The following SYDE2 variants were observed in gnomAD, a reference collection of about 807,000 sequenced individuals.
SYDE2 encodes the protein synapse defective Rho GTPase homolog 2.
Under a neutral mutation model 91.5 loss-of-function variants are expected in SYDE2, and 76 were observed. That is an observed-to-expected ratio of 0.83 (90% CI 0.69 to 1.01). The LOEUF is 1.01. Among genes scored for constraint, SYDE2 ranks in the 50% least tolerant of loss-of-function variants. The probability of loss-of-function intolerance (pLI) is 0.00; values close to 1 mark genes in which losing one functional copy is unlikely to be tolerated. For synonymous variants in SYDE2, 513 were observed against 506.4 expected (o/e 1.01, Z -0.18); for missense variants, 1,364 against 1,367.7 (o/e 1.00, Z 0.04).
chr1:85,159,429 A>G (rs1482598312), intron 6 of SYDE2, among the ~76,000 whole-genome samples, 180 bp from the exon 7 acceptor site: 3 of 152,232 alleles, frequency 2.0e-5, no homozygotes, highest in African/African-American at 7.2e-5. Flanking sequence ...AATCTAGATT[A>G]AGGATAGAAG....
intron 6 of SYDE2, among the ~76,000 whole-genome samples, chr1:85,163,445 C>CTA (rs55977750): frequency 0.2 from 17,506 of 87,026 alleles, 2,045 homozygotes; most frequent in Middle Eastern, 0.27. Context: ...GTACTTTAAT[C>CTA]TATATATATA....
rs1377469678 is a variant in SYDE2, at chr1:85,190,411, C to G, written c.1087G>C (p.Asp363His). The change falls in exon 2 of 7, where the codon GAT becomes CAT. Residue 363 changes from aspartate (D) to histidine (H), a missense_variant. Asp to His is a moderately conservative substitution (Grantham distance 81). Transcript: ENST00000341460. ...CATATTTCTCCTTCATCATCTGCATCATTTTCCTCATTAAAATCTAAAGCA... is the reference window on the plus strand; with the variant it reads ...CATATTTCTCCTTCATCATCTGCATGATTTTCCTCATTAAAATCTAAAGCA... The part of the protein sequence containing the change: ...NCALDFNEEN[D>H]ADDEGEIWYN... The G allele has an allele frequency of 5.6e-6, 9 of 1,613,792 alleles. No individual in the cohort carries two copies. Among genetic ancestry groups the G allele is most frequent in the Non-Finnish European group, 7.6e-6 (9 of 1,179,776 alleles).
chr1:85,179,548 G>C (rs1040847850), intron 3 of SYDE2, among the ~76,000 whole-genome samples: 1 of 152,126 alleles, frequency 6.6e-6, no homozygotes, highest in African/African-American at 2.4e-5. Flanking sequence ...AAAGGATCAA[G>C]ATAATATGGG....
intron 4 of SYDE2, among the ~76,000 whole-genome samples, chr1:85,176,774 A>C (rs1657714878): frequency 6.6e-6 from 1 of 152,146 alleles, no homozygotes; most frequent in African/African-American, 2.4e-5. Flanking sequence ...GGTTGAGAAG[A>C]AGCAAATGGG....
At chr1:85,164,824 A>G (rs1657204744) in intron 5 of SYDE2, 67 bp from the exon 6 acceptor site, 3 of 900,712 alleles carry the variant, frequency 3.3e-6, no homozygotes, top group Admixed American at 4.2e-5. Flanking sequence ...AATTTATAGC[A>G]GGAAATACAG....
intron 3 of SYDE2, 94 bp downstream of exon 3, chr1:85,182,004 T>A: frequency 7.7e-7 from 1 of 1,293,996 alleles, no homozygotes; most frequent in Non-Finnish European, 1.0e-6. Context: ...ATATCTAAAT[T>A]TGATTTTTTT....
At chr1:85,191,622 G>A (rs1266557791) in intron 1 of SYDE2, among the ~76,000 whole-genome samples, 1 of 152,028 alleles carries the variant, frequency 6.6e-6, no homozygotes, top group East Asian at 1.9e-4. Context: ...GCCGGGCATG[G>A]TGGCACGTGC....
intron 4 of SYDE2, 46 bp downstream of exon 4, chr1:85,178,100 T>G: frequency 7.0e-7 from 1 of 1,423,782 alleles, no homozygotes; most frequent in Non-Finnish European, 9.6e-7. Context: ...TTCTTGCAGA[T>G]GTAGTCTTTC....
intron 5 of SYDE2, among the ~76,000 whole-genome samples, chr1:85,166,097 T>C (rs548960394): frequency 2.0e-5 from 3 of 152,068 alleles, no homozygotes; most frequent in East Asian, 1.9e-4. Context: ...TCCCAGCACT[T>C]TGGGAGGCCA....
chr1:85,190,089 T>C lies in SYDE2; in HGVS notation c.1409A>G (p.Glu470Gly), dbSNP rs763337460. The C allele has an allele frequency of 3.1e-6, 5 of 1,613,090 alleles. No homozygotes were observed. In the Admixed American group the frequency reaches 6.7e-5, roughly 22 times the overall value. ...GHKTQEGIMVEDSPMLKSPFA... is the reference protein window; with the variant it reads ...GHKTQEGIMVGDSPMLKSPFA... ...AGGAGATTTCAACATGGGACTGTCC[T>C]CCACCATTATACCTTCTTGTGTCTT... The change falls in exon 2 of 7, where the codon GAG (glutamate) becomes GGG (glycine). Residue 470 changes from glutamate (E) to glycine (G), a missense_variant. By Grantham distance (98) the Glu-to-Gly change is moderately conservative. Transcript: ENST00000341460.
chr1:85,170,803 T>C (rs1240328524), intron 4 of SYDE2, among the ~76,000 whole-genome samples: 2 of 152,246 alleles, frequency 1.3e-5, no homozygotes, highest in East Asian at 3.8e-4. Context: ...GGATGTCCCA[T>C]AGTCTTATCT....
At chr1:85,170,112 CTCTT>C (rs1322870793) in intron 4 of SYDE2, among the ~76,000 whole-genome samples, 1 of 79,866 alleles carries the variant, frequency 1.3e-5, no homozygotes, top group Non-Finnish European at 2.4e-5. Flanking sequence ...AGCTTCCCAT[CTCTT>C]TTTTTTTTTT....
At chr1:85,176,820 T>C (rs1226891346) in intron 4 of SYDE2, among the ~76,000 whole-genome samples, 1 of 152,152 alleles carries the variant, frequency 6.6e-6, no homozygotes, top group Non-Finnish European at 1.5e-5. Flanking sequence ...TGTGTTGATA[T>C]TATGGAAACC....
At chr1:85,165,411 G>A (rs1200607989) in intron 5 of SYDE2, among the ~76,000 whole-genome samples, 1 of 152,102 alleles carries the variant, frequency 6.6e-6, no homozygotes, top group East Asian at 1.9e-4. Context: ...AGGGGATTAG[G>A]GTAAGAATGT....
chr1:85,170,182 C>T (rs2100654783), intron 4 of SYDE2, among the ~76,000 whole-genome samples: 1 of 147,356 alleles, frequency 6.8e-6, no homozygotes, highest in East Asian at 2.0e-4. Context: ...ACACTGGTAA[C>T]CTCAAACTCC....
Position 85,165,949 on chromosome 1 carries a change from C to T in SYDE2, c.2854-1192G>A, listed in dbSNP as rs543721469. On this transcript the variant is annotated intron_variant, in intron 5 of 6. Transcript: ENST00000341460. ...AGTACAGTAGCATGATCACAGCTCA[C>T]TGCAGCACCGACCTTCCTGGCTCAA... 4.1e-5 allele frequency among the ~76,000 whole-genome samples: 6 copies of T among 144,924 alleles called. No individual in the cohort carries two copies. In the South Asian group the frequency reaches 1.3e-3, roughly 31 times the overall value.
chr1:85,185,052 G>T (rs746207059), intron 2 of SYDE2, among the ~76,000 whole-genome samples: 3 of 151,488 alleles, frequency 2.0e-5, no homozygotes, highest in South Asian at 2.1e-4. Context: ...CTAAGAAATA[G>T]ATCACTTTAG....
At chr1:85,155,413 AG>A (rs1656857807), downstream of SYDE2, among the ~76,000 whole-genome samples, 1 of 152,180 alleles carries the variant, frequency 6.6e-6, no homozygotes, top group South Asian at 2.1e-4. Context: ...TGAGGCGGAA[AG>A]GATCGCTTGA....
chr1:85,160,741 C>A lies in SYDE2; in HGVS notation c.3086-1492G>T. 9 of 985,338 alleles carry A rather than the reference C, an allele frequency of 9.1e-6. 1 individual carries two copies. The highest frequency in any genetic ancestry group is 9.4e-5 in the South Asian group (2 of 21,286). The allele number at this position is 985,338 out of a possible 1,614,324, so 61.0% of individuals were successfully genotyped here. A position where few individuals can be genotyped will look rare whatever the true frequency, so the allele number is the denominator to read the frequency against. ...GTTTTCACCAACCAATTACAATATT[C>A]TGCTAGCCTTGAGGTTATCTGGTCT... On this transcript the variant is annotated intron_variant, in intron 6 of 6. Coordinates refer to ENST00000341460, the MANE Select transcript of SYDE2 (RefSeq NM_032184.2).
Sources: allele counts gnomAD v4.1 joint callset (sites outside exome capture counted in the v4.1 genomes callset), GRCh38; gene constraint gnomAD v4.1.1; transcripts MANE v1.5; gene names NCBI Gene and HGNC (gene_info 2026-07-23, HGNC 2026-07-21).